MACROD2: variants seen among roughly 807,000 people sequenced by gnomAD.
MACROD2 encodes ADP-ribose glycohydrolase MACROD2.
MACROD2 carries 36 observed loss-of-function variants against 70.4 expected under a neutral mutation model. That is an observed-to-expected ratio of 0.51 (90% CI 0.39 to 0.68). The LOEUF (loss-of-function observed/expected upper bound fraction) is 0.68. Ranked by LOEUF, MACROD2 falls within the 30% of genes least tolerant of loss-of-function variation. The pLI, the probability that MACROD2 is intolerant of heterozygous loss-of-function variation, is 0.00. For synonymous variants in MACROD2, 172 were observed against 178.8 expected, an observed-to-expected ratio of 0.96 and a Z score of 0.30; for missense variants, 496 against 538.4, an observed-to-expected ratio of 0.92 and a Z score of 0.78.
intron 3 of MACROD2, among the ~76,000 whole-genome samples, chr20:14,228,076 G>A (rs904313038): frequency 6.6e-6 from 1 of 151,868 alleles, no homozygotes; most frequent in African/African-American, 2.4e-5. Flanking sequence ...AAACTGGCTT[G>A]TTTTTAAGAA....
At chr20:14,832,238 G>C (rs935663025) in intron 5 of MACROD2, among the ~76,000 whole-genome samples, 14 of 151,592 alleles carry the variant, frequency 9.2e-5, no homozygotes, top group Non-Finnish European at 2.1e-4. Context: ...TTGAAACGGG[G>C]TTTCACTGTA....
intron 4 of MACROD2, among the ~76,000 whole-genome samples, chr20:14,661,688 A>T (rs1986233748): frequency 2.0e-5 from 3 of 151,668 alleles, no homozygotes; most frequent in Admixed American, 2.0e-4. Context: ...CTTTAAATAC[A>T]CATTTAAAAA....
At chr20:14,444,784 G>A (rs900194609) in intron 3 of MACROD2, among the ~76,000 whole-genome samples, 7 of 151,872 alleles carry the variant, frequency 4.6e-5, no homozygotes, top group African/African-American at 1.5e-4. Context: ...CACACATAAC[G>A]TCATGTAGTT....
intron 2 of MACROD2, among the ~76,000 whole-genome samples, chr20:14,075,786 G>A (rs2053909052): frequency 6.6e-6 from 1 of 152,072 alleles, no homozygotes; most frequent in South Asian, 2.1e-4. Flanking sequence ...GTTTTCAAGG[G>A]TCTCAAGGAT....
intron 3 of MACROD2, among the ~76,000 whole-genome samples, chr20:14,306,143 T>C (rs776368512): frequency 1.3e-5 from 2 of 152,150 alleles, no homozygotes; most frequent in Non-Finnish European, 2.9e-5. Flanking sequence ...TTTTTCCAAA[T>C]CCAGTGGGCA....
At chr20:15,040,879 A>T (rs764167159) in intron 5 of MACROD2, among the ~76,000 whole-genome samples, 1 of 152,152 alleles carries the variant, frequency 6.6e-6, no homozygotes, top group Non-Finnish European at 1.5e-5. Flanking sequence ...TCAGGTCTTG[A>T]TCTGAACTAT....
At chr20:15,294,300 T>C (rs1283903573) in intron 6 of MACROD2, among the ~76,000 whole-genome samples, 2 of 152,142 alleles carry the variant, frequency 1.3e-5, no homozygotes, top group Admixed American at 6.5e-5. Context: ...TTCCTATGTG[T>C]AATGTACTGA....
intron 5 of MACROD2, among the ~76,000 whole-genome samples, chr20:14,710,643 A>G (rs1391225863): frequency 6.6e-6 from 1 of 152,192 alleles, no homozygotes; most frequent in Non-Finnish European, 1.5e-5. Context: ...GATGATTCAG[A>G]AATGCAAGGT....
intron 3 of MACROD2, among the ~76,000 whole-genome samples, chr20:14,448,174 C>A (rs2084204830): frequency 6.6e-6 from 1 of 151,832 alleles, no homozygotes; most frequent in Non-Finnish European, 1.5e-5. Flanking sequence ...TTACCACAGT[C>A]CAAAGTAGGG....
chr20:14,686,426 A>AT (rs2071003132), intron 5 of MACROD2, among the ~76,000 whole-genome samples: 1 of 152,178 alleles, frequency 6.6e-6, no homozygotes, highest in Non-Finnish European at 1.5e-5. Flanking sequence ...GTCACATGAG[A>AT]TAAAGTGTGG....
At chr20:15,794,973 C>A (rs2063659991) in intron 8 of MACROD2, among the ~76,000 whole-genome samples, 1 of 152,076 alleles carries the variant, frequency 6.6e-6, no homozygotes, top group Non-Finnish European at 1.5e-5. Context: ...TCCTACCCCC[C>A]ACCCAACCAG....
intron 5 of MACROD2, among the ~76,000 whole-genome samples, chr20:15,224,997 G>C (rs1054481225): frequency 6.7e-6 from 1 of 149,238 alleles, no homozygotes; most frequent in Admixed American, 6.7e-5. Context: ...CCTATCCTAC[G>C]TTACCACTTT....
intron 5 of MACROD2, among the ~76,000 whole-genome samples, chr20:14,921,290 C>G (rs964850941): frequency 8.5e-5 from 13 of 152,144 alleles, no homozygotes; most frequent in African/African-American, 3.1e-4. Context: ...TGGCATCCAA[C>G]ACTTGTTGGC....
At chr20:14,092,377 AT>A (rs1366961940) in intron 3 of MACROD2, among the ~76,000 whole-genome samples, 1 of 152,022 alleles carries the variant, frequency 6.6e-6, no homozygotes, top group Non-Finnish European at 1.5e-5. Context: ...AATTTTGGGC[AT>A]TTTTATTTTT....
chr20:16,005,064 G>T (rs541434192), intron 15 of MACROD2, among the ~76,000 whole-genome samples: 2 of 152,276 alleles, frequency 1.3e-5, no homozygotes, highest in South Asian at 2.1e-4. Flanking sequence ...GGGGGAAAAT[G>T]AAGATAAAAA....
intron 10 of MACROD2, among the ~76,000 whole-genome samples, chr20:15,917,054 C>T (rs754955095): frequency 5.3e-5 from 8 of 152,168 alleles, no homozygotes; most frequent in Non-Finnish European, 1.2e-4. Flanking sequence ...CGAGACAAGC[C>T]TCCAGGATGT....
At chr20:14,359,030 T>C (rs546108720) in intron 3 of MACROD2, among the ~76,000 whole-genome samples, 158 of 151,976 alleles carry the variant, frequency 1.0e-3, no homozygotes, top group Non-Finnish European at 2.1e-3. Flanking sequence ...CTACAAAAAA[T>C]TTAAAAAATT....
intron 8 of MACROD2, among the ~76,000 whole-genome samples, chr20:15,628,080 G>A (rs910963519): frequency 1.3e-5 from 2 of 152,190 alleles, no homozygotes; most frequent in African/African-American, 2.4e-5. Context: ...CTAGGTGGTG[G>A]TAGCAGAAAT....
intron 8 of MACROD2, among the ~76,000 whole-genome samples, chr20:15,502,297 G>C (rs1013729842): frequency 6.6e-5 from 10 of 152,186 alleles, no homozygotes; most frequent in African/African-American, 2.4e-4. Context: ...ATTCCACACA[G>C]AGAGAACCAT....
Sources: allele counts gnomAD v4.1 joint callset (sites outside exome capture counted in the v4.1 genomes callset), GRCh38; gene constraint gnomAD v4.1.1; transcripts MANE v1.5; gene names NCBI Gene and HGNC (gene_info 2026-07-23, HGNC 2026-07-21).